The following MAST4 variants were observed in gnomAD, a reference collection of about 807,000 sequenced individuals.
MAST4 encodes the protein microtubule associated serine/threonine kinase family member 4, also known as microtubule-associated serine/threonine-protein kinase 4.
Under a neutral mutation model 162.7 loss-of-function variants are expected in MAST4, and 89 were observed. The ratio of observed to expected loss-of-function variants is 0.55; its 90% CI spans 0.46 to 0.65. MAST4 has a LOEUF of 0.65. Ranked by LOEUF, MAST4 falls within the 30% of genes least tolerant of loss-of-function variation. The pLI is 0.00. For synonymous variants in MAST4, 1,479 were observed against 1,361.1 expected, an observed-to-expected ratio of 1.09 and a Z score of -1.91; for missense variants, 3,153 against 3,374.0, an observed-to-expected ratio of 0.93 and a Z score of 1.62.
At chr5:66,697,169 T>A (rs529372218) in intron 1 of MAST4, among the ~76,000 whole-genome samples, 39 of 152,338 alleles carry the variant, frequency 2.6e-4, no homozygotes, top group African/African-American at 9.4e-4. Flanking sequence ...TGATTTTAAG[T>A]CTTCAAGTGA....
At chr5:66,683,322 T>A (rs1480347101) in intron 1 of MAST4, among the ~76,000 whole-genome samples, 1 of 152,240 alleles carries the variant, frequency 6.6e-6, no homozygotes. Flanking sequence ...TTACTTACTT[T>A]GATTTTTATT....
At chr5:66,654,320 G>A (rs6863429) in intron 1 of MAST4, among the ~76,000 whole-genome samples, 75,877 of 152,026 alleles carry the variant, frequency 0.5, 19,313 homozygotes, top group South Asian at 0.66. Flanking sequence ...CTTCACCCCA[G>A]TCGTTTTTAT....
At chr5:67,156,061 G>GAAAAAA (rs535974856) in intron 26 of MAST4, among the ~76,000 whole-genome samples, 1 of 83,704 alleles carries the variant, frequency 1.2e-5, no homozygotes, top group Non-Finnish European at 2.6e-5. Flanking sequence ...TCCGTCTCAA[G>GAAAAAA]AAAAAAAAAA....
rs145770075 is a variant in MAST4, at chr5:66,985,661, G to A, written c.675-68743G>A. 3.9e-5 allele frequency among the ~76,000 whole-genome samples: 6 copies of A among 152,266 alleles called. No homozygotes were observed. The East Asian group carries it at 1.2e-3, about 29-fold the overall frequency. Reference sequence around the variant, plus strand: ...AGAGACTTTGAAGTAGGTAAGATACGAGGTTGGGCTTAGAGGAAAGATTAG... The same window carrying A: ...AGAGACTTTGAAGTAGGTAAGATACAAGGTTGGGCTTAGAGGAAAGATTAG... On this transcript the variant is annotated intron_variant, in intron 4 of 28. Transcript: ENST00000403625.
At chr5:66,664,333 G>A (rs1028437621) in intron 1 of MAST4, among the ~76,000 whole-genome samples, 9 of 150,554 alleles carry the variant, frequency 6.0e-5, no homozygotes, top group South Asian at 4.2e-4. Context: ...TATTCATGAG[G>A]CTGAGGTAGG....
chr5:66,832,193 A>G (rs1001721956), intron 3 of MAST4, among the ~76,000 whole-genome samples: 1 of 151,210 alleles, frequency 6.6e-6, no homozygotes, highest in Non-Finnish European at 1.5e-5. Context: ...TCTCATGATC[A>G]CCTCCCCACA....
At chr5:67,024,107 C>G (rs1275652590) in intron 4 of MAST4, among the ~76,000 whole-genome samples, 1 of 149,582 alleles carries the variant, frequency 6.7e-6, no homozygotes, top group African/African-American at 2.5e-5. Flanking sequence ...CTTTCTGTCT[C>G]TATGAATTTG....
rs542260917 is a variant in MAST4 at position 66,956,228 on chromosome 5, G to A, written c.674+56246G>A. The stretch of plus-strand genomic sequence containing the variant: ...TTCGTATCTAGCTTTTGCTGATCAC[G>A]TCTCTGTGATATTGTTTAACACATT... On this transcript the variant is annotated intron_variant, in intron 4 of 28. Coordinates refer to ENST00000403625, the MANE Select transcript of MAST4 (RefSeq NM_001164664.2). Among the ~76,000 whole-genome samples, 5 of 152,176 alleles carry A rather than the reference G, an allele frequency of 3.3e-5. No homozygotes were observed. In the South Asian group the frequency reaches 8.3e-4, roughly 25 times the overall value.
chr5:66,774,421 G>T (rs186611479), intron 2 of MAST4, among the ~76,000 whole-genome samples: 5 of 152,288 alleles, frequency 3.3e-5, no homozygotes, highest in African/African-American at 7.2e-5. Flanking sequence ...GTGCTGTGAT[G>T]CCCCTGCCCT....
intron 3 of MAST4, among the ~76,000 whole-genome samples, chr5:66,823,055 G>C (rs1435175464): frequency 6.6e-6 from 1 of 152,124 alleles, no homozygotes; most frequent in Non-Finnish European, 1.5e-5. Context: ...TCTCATGGTA[G>C]TGAGTGAGTT....
chr5:66,949,422 T>C (rs143735155), intron 4 of MAST4, among the ~76,000 whole-genome samples: 11 of 152,282 alleles, frequency 7.2e-5, no homozygotes, highest in East Asian at 1.9e-4. Context: ...GGTTTTATTA[T>C]ATAAGGGGCT....
intron 1 of MAST4, among the ~76,000 whole-genome samples, chr5:66,618,906 A>G (rs1052962666): frequency 1.2e-4 from 18 of 152,244 alleles, no homozygotes; most frequent in African/African-American, 4.3e-4. Context: ...TTTCCAGGGC[A>G]TCGGTGTCTT....
Position 66,779,864 on chromosome 5 carries a change from G to C in MAST4, c.518-8806G>C, listed in dbSNP as rs76819495. Among the ~76,000 whole-genome samples, 150 of 152,234 alleles carry C rather than the reference G, an allele frequency of 9.9e-4. 1 individual carries two copies. Among genetic ancestry groups the C allele is most frequent in the African/African-American group, 3.5e-3 (147 of 41,556 alleles). ...CTTCTTCATTTCTTAAGTTTGACAG[G>C]TTCTTTAAAAACTCATTTCCCCTAA... On this transcript the variant is annotated intron_variant, in intron 2 of 28. Transcript: ENST00000403625.
chr5:66,834,441 A>G (rs765576567), intron 3 of MAST4, among the ~76,000 whole-genome samples: 1 of 152,170 alleles, frequency 6.6e-6, no homozygotes, highest in Non-Finnish European at 1.5e-5. Context: ...CCATTAGCAG[A>G]AGCCAGCTTA....
At chr5:67,156,647 C>G (rs1488199833) in intron 26 of MAST4, among the ~76,000 whole-genome samples, 4 of 152,142 alleles carry the variant, frequency 2.6e-5, no homozygotes, top group African/African-American at 9.7e-5. Context: ...AACATGAGGA[C>G]AGGAGATCTC....
chr5:66,998,067 A>G (rs546172), intron 4 of MAST4, among the ~76,000 whole-genome samples: 307 of 152,362 alleles, frequency 2.0e-3, no homozygotes, highest in Middle Eastern at 3.4e-3. Context: ...CTTTAGATGT[A>G]TGACCTGGAA....
rs75651748 is a variant in MAST4, at chr5:66,853,433, G to T, written c.643-46518G>T. Among the ~76,000 whole-genome samples the T allele has an allele frequency of 7.8e-3, 1,183 of 152,314 alleles. 7 individuals are homozygous for T. The highest frequency in any genetic ancestry group is 0.012 in the Non-Finnish European group (820 of 68,022). On this transcript the variant is annotated intron_variant, in intron 3 of 28. Coordinates refer to ENST00000403625, the MANE Select transcript of MAST4 (RefSeq NM_001164664.2). ...ATTTTTAAAAATAAATAGTATTAAAGAAGTGTTTCATGAATAAGTGAGAAA... is the reference window on the plus strand; with the variant it reads ...ATTTTTAAAAATAAATAGTATTAAATAAGTGTTTCATGAATAAGTGAGAAA...
chr5:67,058,079 C>G (rs1181882268), intron 5 of MAST4, among the ~76,000 whole-genome samples: 1 of 151,804 alleles, frequency 6.6e-6, no homozygotes, highest in African/African-American at 2.4e-5. Context: ...TACAAAATTT[C>G]TAAAAATTAC....
intron 2 of MAST4, among the ~76,000 whole-genome samples, chr5:66,765,091 G>A (rs181961): frequency 0.15 from 23,124 of 152,068 alleles, 2,085 homozygotes; most frequent in East Asian, 0.45. Flanking sequence ...TGCTATACAC[G>A]TTTGTAGCCT....
Sources: gnomAD v4.1 joint callset for allele counts (sites outside exome capture counted in the v4.1 genomes callset) on GRCh38, gnomAD v4.1.1 for gene constraint, MANE v1.5 for transcripts, NCBI Gene and HGNC (gene_info 2026-07-23, HGNC 2026-07-21) for gene names.